SUCLA2: variants seen among roughly 807,000 people sequenced by gnomAD.
SUCLA2 encodes the protein succinate--CoA ligase [ADP-forming] subunit beta, mitochondrial.
In SUCLA2, 30 loss-of-function variants were observed where a neutral mutation model predicts 54.8. The ratio of observed to expected loss-of-function variants is 0.55; its 90% CI spans 0.41 to 0.74. The LOEUF (loss-of-function observed/expected upper bound fraction) is 0.74, where lower values mean the gene tolerates loss of function less well. Among genes scored for constraint, SUCLA2 ranks in the 30% least tolerant of loss-of-function variants. SUCLA2 has a pLI of 0.00. For synonymous variants in SUCLA2, 172 were observed against 188.9 expected (o/e 0.91, Z 0.74); for missense variants, 476 against 562.9 (o/e 0.85, Z 1.56).
At chr13:47,974,870 T>C (rs1350084716) in intron 4 of SUCLA2, among the ~76,000 whole-genome samples, 1 of 152,182 alleles carries the variant, frequency 6.6e-6, no homozygotes, top group Non-Finnish European at 1.5e-5. Context: ...GTGGGTAATG[T>C]AGTGTATGTG....
At chr13:47,953,997 T>C (rs1949796925) in intron 8 of SUCLA2, 143 bp downstream of exon 8, 1 of 727,038 alleles carries the variant, frequency 1.4e-6, no homozygotes, top group Non-Finnish European at 1.9e-6. Flanking sequence ...ATCTTCAAGA[T>C]ATGATAGCAA....
At chr13:47,996,485 T>A (rs1950192423) in intron 2 of SUCLA2, among the ~76,000 whole-genome samples, 1 of 151,998 alleles carries the variant, frequency 6.6e-6, no homozygotes, top group African/African-American at 2.4e-5. Context: ...GCTAAGATTT[T>A]CCTTCACCAT....
rs922096005 is a variant in SUCLA2 at position 47,977,155 on chromosome 13, G to T, written c.535-3763C>A. 3.3e-5 allele frequency among the ~76,000 whole-genome samples: 5 copies of T among 152,270 alleles called. No individual in the cohort carries two copies. The East Asian group carries it at 9.6e-4, about 29-fold the overall frequency. ...GCTGTCACAGAAAGAGTCTGAGACT[G>T]CTATGAAAAATTATGTATCAACAAA... On this transcript the variant is annotated intron_variant, in intron 4 of 10. Coordinates refer to ENST00000646932, the MANE Select transcript of SUCLA2 (RefSeq NM_003850.3).
intron 4 of SUCLA2, chr13:47,987,977 T>G (rs973131628): frequency 3.9e-5 from 6 of 152,248 alleles, no homozygotes; most frequent in African/African-American, 1.4e-4. Context: ...AGCTTTATGT[T>G]CAACATTTTA....
intron 4 of SUCLA2, among the ~76,000 whole-genome samples, chr13:47,975,816 A>G (rs1339344841): frequency 6.6e-6 from 1 of 152,202 alleles, no homozygotes; most frequent in Non-Finnish European, 1.5e-5. Context: ...TACACTAAGG[A>G]GATGACTCAG....
intron 6 of SUCLA2, chr13:47,965,441 A>G (rs1949909254): frequency 1.0e-5 from 4 of 392,850 alleles, no homozygotes; most frequent in Admixed American, 4.4e-5. Context: ...AGGGAACATC[A>G]AACAGAGAAA....
chr13:47,975,090 A>G (rs1325305692), intron 4 of SUCLA2, among the ~76,000 whole-genome samples: 1 of 151,900 alleles, frequency 6.6e-6, no homozygotes, highest in Non-Finnish European at 1.5e-5. Context: ...CTACTCTTAC[A>G]TCCAGAAAAA....
rs543337519 is a variant in SUCLA2 at position 47,987,143 on chromosome 13, T to C, written c.534+1398A>G. On this transcript the variant is annotated intron_variant, in intron 4 of 10. Transcript: ENST00000646932. ...CATTTTATCCTCAACAAGACCTAAA[T>C]AGTTGTCAGGAAATTCAAGTTCATA... Among the ~76,000 whole-genome samples, 3 of 152,320 alleles carry C rather than the reference T, an allele frequency of 2.0e-5. No individual in the cohort carries two copies. In the East Asian group the frequency reaches 5.8e-4, roughly 29 times the overall value.
rs369060136 is a variant in SUCLA2, at chr13:47,978,619, A to G, written c.535-5227T>C. ...CATAGGCATAGGCAAGGACTTCATG[A>G]TGACGAAAACACCAAAAGCAATGGC... On this transcript the variant is annotated intron_variant, in intron 4 of 10. Transcript: ENST00000646932. Among the ~76,000 whole-genome samples, 5 of 152,298 alleles carry G rather than the reference A, an allele frequency of 3.3e-5. No homozygotes were observed. In the East Asian group the frequency reaches 9.6e-4, roughly 29 times the overall value.
chr13:47,998,967 C>A (rs1443022703), intron 1 of SUCLA2, among the ~76,000 whole-genome samples: 1 of 152,102 alleles, frequency 6.6e-6, no homozygotes, highest in Non-Finnish European at 1.5e-5. Context: ...GTCATACACT[C>A]AAATATTTTT....
chr13:47,972,626 G>A (rs1419200531), intron 5 of SUCLA2, among the ~76,000 whole-genome samples: 19 of 144,674 alleles, frequency 1.3e-4, no homozygotes, highest in African/African-American at 3.3e-4. Flanking sequence ...CCAAGATGGC[G>A]CCACTACACT....
chr13:47,984,449 G>A (rs1003427312), intron 4 of SUCLA2, among the ~76,000 whole-genome samples: 20 of 151,920 alleles, frequency 1.3e-4, no homozygotes, highest in South Asian at 4.1e-4. Flanking sequence ...TGATCCGCCC[G>A]CCTCAGCCTC....
chr13:47,957,502 A>T (rs1469376909), intron 6 of SUCLA2, among the ~76,000 whole-genome samples: 2 of 152,122 alleles, frequency 1.3e-5, no homozygotes, highest in Non-Finnish European at 2.9e-5. Flanking sequence ...CTCTGGCCCC[A>T]CCACAGCCGG....
chr13:47,986,862 C>T (rs549773252), intron 4 of SUCLA2, among the ~76,000 whole-genome samples: 1 of 152,280 alleles, frequency 6.6e-6, no homozygotes, highest in African/African-American at 2.4e-5. Flanking sequence ...ATGCATGGGA[C>T]ATTAACTCAA....
intron 8 of SUCLA2, among the ~76,000 whole-genome samples, chr13:47,950,546 T>G (rs1379054082): frequency 1.3e-5 from 2 of 152,158 alleles, no homozygotes; most frequent in African/African-American, 2.4e-5. Flanking sequence ...TGGCCCTCTC[T>G]TGGGTACATT....
chr13:47,995,367 A>G (rs1950183298), intron 2 of SUCLA2, among the ~76,000 whole-genome samples: 1 of 152,182 alleles, frequency 6.6e-6, no homozygotes, highest in Admixed American at 6.6e-5. Context: ...CTTTTGCTTA[A>G]TAAAAAGTTT....
intron 10 of SUCLA2, 145 bp from the exon 11 acceptor site, chr13:47,943,590 C>T: frequency 2.8e-6 from 2 of 708,922 alleles, no homozygotes; most frequent in Non-Finnish European, 4.9e-6. Context: ...TTCTTATAAG[C>T]AAATGACATT....
intron 6 of SUCLA2, among the ~76,000 whole-genome samples, chr13:47,961,646 G>T (rs1274072563): frequency 2.6e-5 from 4 of 151,980 alleles, no homozygotes; most frequent in Non-Finnish European, 4.4e-5. Context: ...ACTGTCTTTG[G>T]GTTATATTTA....
chr13:47,985,182 G>A (rs1354928775), intron 4 of SUCLA2, among the ~76,000 whole-genome samples: 1 of 152,144 alleles, frequency 6.6e-6, no homozygotes, highest in African/African-American at 2.4e-5. Context: ...AGTAATAGAA[G>A]TAATTGTTTT....
Sources: gnomAD v4.1 joint callset for allele counts (sites outside exome capture counted in the v4.1 genomes callset) on GRCh38, gnomAD v4.1.1 for gene constraint, MANE v1.5 for transcripts, NCBI Gene and HGNC (gene_info 2026-07-23, HGNC 2026-07-21) for gene names.